IGFBP7: variants seen among roughly 807,000 people sequenced by gnomAD.
IGFBP7 encodes the protein insulin-like growth factor-binding protein 7.
IGFBP7 carries 31 observed loss-of-function variants against 29.4 expected under a neutral mutation model. The observed-to-expected ratio is 1.05, with a 90% confidence interval of 0.79 to 1.42. The LOEUF (loss-of-function observed/expected upper bound fraction) is 1.42. IGFBP7 is among the 40% of genes most tolerant of loss of function. The probability of loss-of-function intolerance (pLI) is 0.00; values close to 1 mark genes in which losing one functional copy is unlikely to be tolerated. For synonymous variants in IGFBP7, 172 were observed against 174.9 expected (o/e 0.98, Z 0.13); for missense variants, 393 against 395.5 (o/e 0.99, Z 0.05).
chr4:57,093,611 A>G (rs951623001), intron 1 of IGFBP7, among the ~76,000 whole-genome samples: 1 of 151,918 alleles, frequency 6.6e-6, no homozygotes, highest in African/African-American at 2.4e-5. Context: ...AGGTCATTGC[A>G]CCTATTAAAT....
At chr4:57,047,357 A>G (rs1724388110) in intron 1 of IGFBP7, among the ~76,000 whole-genome samples, 1 of 152,102 alleles carries the variant, frequency 6.6e-6, no homozygotes, top group Non-Finnish European at 1.5e-5. Flanking sequence ...AGCCTCATGG[A>G]GCTGTGAGTC....
intron 1 of IGFBP7, chr4:57,073,114 C>A: frequency 6.3e-7 from 1 of 1,596,298 alleles, no homozygotes; most frequent in South Asian, 1.1e-5. Context: ...TAAAGCAGGT[C>A]ACCAGCCAGG....
At chr4:57,048,271 G>A (rs28584807) in intron 1 of IGFBP7, among the ~76,000 whole-genome samples, 120 of 151,698 alleles carry the variant, frequency 7.9e-4, no homozygotes, top group African/African-American at 2.8e-3. Context: ...GGATGGTCTC[G>A]ATCTCCTGAC....
intron 1 of IGFBP7, among the ~76,000 whole-genome samples, chr4:57,070,871 G>T (rs1324383026): frequency 1.3e-5 from 2 of 152,216 alleles, no homozygotes; most frequent in African/African-American, 4.8e-5. Context: ...GTTCAAGCTT[G>T]TGGATCAGTG....
chr4:57,031,467 A>T (rs573570686), intron 4 of IGFBP7, 131 bp from the exon 5 acceptor site: 2 of 702,746 alleles, frequency 2.8e-6, no homozygotes, highest in Non-Finnish European at 5.0e-6. Flanking sequence ...TATATGAGTA[A>T]TTGTATAAAT....
intron 1 of IGFBP7, among the ~76,000 whole-genome samples, chr4:57,071,124 G>A (rs1178718502): frequency 3.9e-5 from 6 of 152,288 alleles, no homozygotes; most frequent in Middle Eastern, 6.8e-3. Context: ...ATAAGGTACC[G>A]CATGAGCATA....
At chr4:57,042,897 A>G (rs1724265411) in intron 1 of IGFBP7, among the ~76,000 whole-genome samples, 1 of 152,214 alleles carries the variant, frequency 6.6e-6, no homozygotes. Context: ...TGCCTAAATA[A>G]GACATTATGG....
At chr4:57,103,693 C>G (rs797021483) in intron 1 of IGFBP7, among the ~76,000 whole-genome samples, 2 of 90,116 alleles carry the variant, frequency 2.2e-5, no homozygotes, top group South Asian at 7.6e-4. Flanking sequence ...GGGTCTTGCC[C>G]TGTTACCCAG....
chr4:57,077,289 A>ATGCCTTTC (rs1238054415), intron 1 of IGFBP7, among the ~76,000 whole-genome samples: 1 of 152,138 alleles, frequency 6.6e-6, no homozygotes, highest in Non-Finnish European at 1.5e-5. Flanking sequence ...TTATTTATTT[A>ATGCCTTTC]TTGAGACAGA....
At chr4:57,073,828 G>T (rs1393966327) in intron 1 of IGFBP7, among the ~76,000 whole-genome samples, 1 of 152,096 alleles carries the variant, frequency 6.6e-6, no homozygotes, top group South Asian at 2.1e-4. Context: ...CTTCTAAAGC[G>T]TGTTCTCTTT....
chr4:57,099,398 A>C (rs1395341399), intron 1 of IGFBP7, among the ~76,000 whole-genome samples: 1 of 152,204 alleles, frequency 6.6e-6, no homozygotes. Context: ...AAAAAATGCA[A>C]ATTCCTTAGA....
intron 1 of IGFBP7, among the ~76,000 whole-genome samples, chr4:57,103,728 G>C (rs1725957782): frequency 8.0e-6 from 1 of 124,498 alleles, no homozygotes; most frequent in African/African-American, 3.1e-5. Flanking sequence ...GTATGATCAT[G>C]GCTCACTGCA....
chr4:57,073,381 G>A lies in IGFBP7; in HGVS notation c.476-32448C>T, dbSNP rs180931868. On this transcript the variant is annotated intron_variant, in intron 1 of 4. Coordinates refer to ENST00000295666, the MANE Select transcript of IGFBP7 (RefSeq NM_001553.3). ...AGGCTGAGAGGGGAGGATTGCTTGA[G>A]TTCAGGAGTTCAAGACCAGCCCGGA... 1.1e-4 allele frequency among the ~76,000 whole-genome samples: 16 copies of A among 152,010 alleles called. No homozygotes were observed. The East Asian group carries it at 3.1e-3, about 29-fold the overall frequency.
intron 1 of IGFBP7, among the ~76,000 whole-genome samples, chr4:57,066,459 TC>T (rs1056789314): frequency 1.2e-4 from 18 of 152,230 alleles, no homozygotes; most frequent in African/African-American, 4.3e-4. Flanking sequence ...AAGTTTTTGA[TC>T]CACAGAAACT....
chr4:57,072,646 C>CCT, intron 1 of IGFBP7: 1 of 111,974 alleles, frequency 8.9e-6, no homozygotes, highest in Non-Finnish European at 1.6e-5. Flanking sequence ...GTTGCTGCTG[C>CCT]CTAGCCACCA....
chr4:57,050,310 T>A (rs1410720385), intron 1 of IGFBP7, among the ~76,000 whole-genome samples: 1 of 150,872 alleles, frequency 6.6e-6, no homozygotes, highest in Non-Finnish European at 1.5e-5. Flanking sequence ...AGTTGTGCAA[T>A]CTCGGCTCAC....
chr4:57,052,269 C>T (rs1442789065), intron 1 of IGFBP7, among the ~76,000 whole-genome samples: 1 of 152,140 alleles, frequency 6.6e-6, no homozygotes, highest in African/African-American at 2.4e-5. Context: ...GATTTAAAGG[C>T]TGTGAGCCTC....
At chr4:57,075,822 C>T (rs1450145451) in intron 1 of IGFBP7, among the ~76,000 whole-genome samples, 1 of 152,162 alleles carries the variant, frequency 6.6e-6, no homozygotes, top group Non-Finnish European at 1.5e-5. Flanking sequence ...CAAGGAGCTA[C>T]CTGAATATCT....
At chr4:57,042,889 C>T (rs991325466) in intron 1 of IGFBP7, among the ~76,000 whole-genome samples, 1 of 152,146 alleles carries the variant, frequency 6.6e-6, no homozygotes, top group Non-Finnish European at 1.5e-5. Context: ...GAGACTGATG[C>T]CTAAATAAGA....
Sources: gnomAD v4.1 joint callset for allele counts (sites outside exome capture counted in the v4.1 genomes callset) on GRCh38, gnomAD v4.1.1 for gene constraint, MANE v1.5 for transcripts, NCBI Gene and HGNC (gene_info 2026-07-23, HGNC 2026-07-21) for gene names.